The following LMBRD1 variants were observed in gnomAD, a reference collection of about 807,000 sequenced individuals.
LMBRD1 encodes the protein lysosomal cobalamin transport escort protein LMBD1.
In LMBRD1, 64 loss-of-function variants were observed where a neutral mutation model predicts 74.8. That is an observed-to-expected ratio of 0.86 (90% CI 0.70 to 1.05). The LOEUF is 1.05. LMBRD1 is among the 50% of genes least tolerant of loss of function. The probability of loss-of-function intolerance (pLI) is 0.00; values close to 1 mark genes in which losing one functional copy is unlikely to be tolerated. For missense variants in LMBRD1, 652 were observed against 645.9 expected, an observed-to-expected ratio of 1.01 and a Z score of -0.10; for synonymous variants, 204 against 216.3, an observed-to-expected ratio of 0.94 and a Z score of 0.50.
At chr6:69,713,494 A>T in intron 9 of LMBRD1, 151 bp downstream of exon 9, 1 of 731,144 alleles carries the variant, frequency 1.4e-6, no homozygotes, top group Non-Finnish European at 2.2e-6. Context: ...CCAAACTACC[A>T]AAGAGAGCTG....
At chr6:69,780,822 T>C (rs772869085) in intron 2 of LMBRD1, among the ~76,000 whole-genome samples, 7 of 152,124 alleles carry the variant, frequency 4.6e-5, no homozygotes, top group Non-Finnish European at 1.0e-4. Context: ...ATGACTAAAC[T>C]GAGACCTGAA....
At chr6:69,686,377 A>G (rs1427484831) in intron 14 of LMBRD1, among the ~76,000 whole-genome samples, 1 of 152,176 alleles carries the variant, frequency 6.6e-6, no homozygotes, top group South Asian at 2.1e-4. Context: ...AATGTTCAAT[A>G]ACCAGCTGCG....
At chr6:69,683,683 T>G (rs531610179) in intron 14 of LMBRD1, among the ~76,000 whole-genome samples, 1 of 150,920 alleles carries the variant, frequency 6.6e-6, no homozygotes, top group Non-Finnish European at 1.5e-5. Flanking sequence ...AAACATAGCT[T>G]ACTGGTTCAA....
chr6:69,773,845 G>A (rs1395378069), intron 3 of LMBRD1, among the ~76,000 whole-genome samples: 2 of 152,042 alleles, frequency 1.3e-5, no homozygotes, highest in African/African-American at 2.4e-5. Flanking sequence ...GATAAACTAC[G>A]GTATGTTAAT....
Position 69,796,886 on chromosome 6 carries a change from G to A in LMBRD1, c.-5C>T, listed in dbSNP as rs751103263. ...GGCCGCGCCAGAAGTCGCCATCTTC[G>A]CTTCCGGTCCAGACCAACCTGAGCG... is the stretch of plus-strand genomic sequence containing the variant. On this transcript the variant is annotated 5_prime_UTR_variant, in exon 1 of 16. Coordinates refer to ENST00000649934, the MANE Select transcript of LMBRD1 (RefSeq NM_018368.4). 4 of 1,613,932 alleles carry A rather than the reference G, an allele frequency of 2.5e-6. No homozygotes were observed. The highest frequency in any genetic ancestry group is 3.4e-6 in the Non-Finnish European group (4 of 1,179,962).
chr6:69,692,271 G>GCA (rs763606952), intron 14 of LMBRD1, among the ~76,000 whole-genome samples: 2 of 111,490 alleles, frequency 1.8e-5, no homozygotes, highest in Non-Finnish European at 4.3e-5. Flanking sequence ...TTTTTAAGGT[G>GCA]CGCTCTCTCT....
chr6:69,790,503 C>T, intron 1 of LMBRD1, 31 bp from the exon 2 acceptor site: 1 of 1,594,612 alleles, frequency 6.3e-7, no homozygotes, highest in Non-Finnish European at 8.6e-7. Context: ...ATGTTTGTTA[C>T]TACCCAGTGT....
chr6:69,747,989 T>G (rs1013193763), intron 5 of LMBRD1, among the ~76,000 whole-genome samples: 6 of 152,234 alleles, frequency 3.9e-5, no homozygotes, highest in Non-Finnish European at 7.3e-5. Context: ...GCTGAAATGC[T>G]AATAGTCTTT....
At chr6:69,770,002 A>G (rs1217581372) in intron 3 of LMBRD1, among the ~76,000 whole-genome samples, 1 of 152,102 alleles carries the variant, frequency 6.6e-6, no homozygotes, top group Non-Finnish European at 1.5e-5. Flanking sequence ...GGTCTCCTAC[A>G]CACGTGTAGA....
intron 7 of LMBRD1, among the ~76,000 whole-genome samples, chr6:69,722,258 A>G (rs1766632436): frequency 6.6e-6 from 1 of 152,194 alleles, no homozygotes; most frequent in South Asian, 2.1e-4. Flanking sequence ...AGACTTCATT[A>G]ACACCAGACC....
intron 14 of LMBRD1, among the ~76,000 whole-genome samples, chr6:69,688,541 T>C (rs1765813946): frequency 6.6e-6 from 1 of 151,934 alleles, no homozygotes; most frequent in Non-Finnish European, 1.5e-5. Context: ...CTTTAAGAAT[T>C]TAATTTTTTA....
chr6:69,735,387 A>G (rs1474337986), intron 7 of LMBRD1, among the ~76,000 whole-genome samples: 1 of 152,062 alleles, frequency 6.6e-6, no homozygotes, highest in African/African-American at 2.4e-5. Flanking sequence ...AACTCCACAC[A>G]GTGGCCCTAG....
At chr6:69,775,293 T>C (rs1211048298) in intron 3 of LMBRD1, among the ~76,000 whole-genome samples, 1 of 152,102 alleles carries the variant, frequency 6.6e-6, no homozygotes, top group Non-Finnish European at 1.5e-5. Context: ...TGGGGAGTGC[T>C]CACAAGGAGA....
chr6:69,720,287 T>C (rs1380563733), intron 7 of LMBRD1, among the ~76,000 whole-genome samples: 1 of 152,196 alleles, frequency 6.6e-6, no homozygotes, highest in Non-Finnish European at 1.5e-5. Context: ...GATACTTACC[T>C]AGCTGAAATT....
rs2149831031 is a variant in LMBRD1 at position 69,674,139 on chromosome 6, T to A, written c.*2019A>T. ...TGCAGACCACTGCCTTCTCATTGCA[T>A]CCTCACATGGCCTCTTCTTTGTACA... On this transcript the variant is annotated 3_prime_UTR_variant, in exon 16 of 16. Transcript: ENST00000649934. Among the ~76,000 whole-genome samples the A allele has an allele frequency of 6.6e-6, 1 of 152,330 alleles. No individual in the cohort carries two copies. The highest frequency in any genetic ancestry group is 2.1e-4 in the South Asian group (1 of 4,830).
At chr6:69,780,661 C>T in intron 2 of LMBRD1, 107 bp from the exon 3 acceptor site, 1 of 791,142 alleles carries the variant, frequency 1.3e-6, no homozygotes, top group South Asian at 1.4e-5. Flanking sequence ...TCTATCCACC[C>T]ACATAAAAAC....
chr6:69,716,791 T>A (rs769612259), intron 8 of LMBRD1, among the ~76,000 whole-genome samples: 5 of 151,868 alleles, frequency 3.3e-5, no homozygotes, highest in African/African-American at 9.7e-5. Flanking sequence ...CATTCTTACA[T>A]ACCTGGGTAC....
At chr6:69,684,031 T>C (rs931367974) in intron 14 of LMBRD1, among the ~76,000 whole-genome samples, 2 of 151,908 alleles carry the variant, frequency 1.3e-5, no homozygotes, top group African/African-American at 4.8e-5. Flanking sequence ...CAAATATATG[T>C]AGAGAACAAT....
chr6:69,737,652 G>T (rs1767005028), intron 7 of LMBRD1, among the ~76,000 whole-genome samples: 2 of 149,652 alleles, frequency 1.3e-5, no homozygotes, highest in South Asian at 2.1e-4. Flanking sequence ...AAGCATATCA[G>T]GTATTATAAA....
Sources: allele counts gnomAD v4.1 joint callset (sites outside exome capture counted in the v4.1 genomes callset), GRCh38; gene constraint gnomAD v4.1.1; transcripts MANE v1.5; gene names NCBI Gene and HGNC (gene_info 2026-07-23, HGNC 2026-07-21).